ICA1L: variants seen among roughly 807,000 people sequenced by gnomAD.
ICA1L encodes the protein islet cell autoantigen 1 like.
In ICA1L, 50 loss-of-function variants were observed where a neutral mutation model predicts 61.3. The observed-to-expected ratio is 0.82, with a 90% CI of 0.65 to 1.03. The LOEUF (loss-of-function observed/expected upper bound fraction) is 1.03, where lower values mean the gene tolerates loss of function less well. Among genes scored for constraint, ICA1L ranks in the 50% least tolerant of loss-of-function variants. The pLI, the probability that ICA1L is intolerant of heterozygous loss-of-function variation, is 0.00. For synonymous variants in ICA1L, 161 were observed against 191.3 expected (o/e 0.84, Z 1.31); for missense variants, 508 against 556.7 (o/e 0.91, Z 0.88).
chr2:202,847,768 G>C (rs1252606917), intron 1 of ICA1L, among the ~76,000 whole-genome samples: 1 of 143,676 alleles, frequency 7.0e-6, no homozygotes, highest in African/African-American at 2.6e-5. Context: ...TAAACAAAAA[G>C]ATACAGGCAC....
At chr2:202,819,200 G>GT (rs1200633806) in intron 5 of ICA1L, among the ~76,000 whole-genome samples, 2 of 152,182 alleles carry the variant, frequency 1.3e-5, no homozygotes, top group African/African-American at 4.8e-5. Flanking sequence ...TTTATGTATA[G>GT]TATAATTAGG....
At chr2:202,854,669 G>T (rs150940790) in intron 1 of ICA1L, among the ~76,000 whole-genome samples, 3,007 of 152,252 alleles carry the variant, frequency 0.02, 39 homozygotes, top group Non-Finnish European at 0.029. Flanking sequence ...AAATGCAAAA[G>T]AACAGAAATC....
chr2:202,861,883 CAAAAAAAAAA>C (rs71030996), intron 1 of ICA1L, among the ~76,000 whole-genome samples: 8 of 40,912 alleles, frequency 2.0e-4, no homozygotes, highest in East Asian at 7.4e-4. Flanking sequence ...GATTCAGACT[CAAAAAAAAAA>C]AAAAAAAAAA....
At chr2:202,838,539 T>C (rs928722756) in intron 1 of ICA1L, among the ~76,000 whole-genome samples, 2 of 152,232 alleles carry the variant, frequency 1.3e-5, no homozygotes, top group Non-Finnish European at 2.9e-5. Flanking sequence ...TCTCCTATTA[T>C]TGCATTGCTA....
chr2:202,856,054 C>A (rs1211432595), intron 1 of ICA1L, among the ~76,000 whole-genome samples: 1 of 111,902 alleles, frequency 8.9e-6, no homozygotes, highest in Non-Finnish European at 1.7e-5. Flanking sequence ...GCCTGGGTGA[C>A]AAAGCGAGAC....
rs1692266454 is a variant in ICA1L, at chr2:202,777,674, T to G, written c.*1859A>C. 1 of 152,166 alleles carries G rather than the reference T, an allele frequency of 6.6e-6. No homozygotes were observed. The highest frequency in any genetic ancestry group is 2.4e-5 in the African/African-American group (1 of 41,434). 9.4% of individuals were successfully genotyped at this position (152,166 alleles called of 1,614,324 possible). On this transcript the variant is annotated 3_prime_UTR_variant, in exon 13 of 13. Coordinates refer to ENST00000358299, the MANE Select transcript of ICA1L (RefSeq NM_001288622.3). The stretch of plus-strand genomic sequence containing the variant: ...TTCCAGCCTATACTGTACTTGGCCA[T>G]TGTAGTAGTTTTCTGGAGAGCCTGT...
rs565577578 is a variant in ICA1L at position 202,849,667 on chromosome 2, C to A, written c.-7-20651G>T. Among the ~76,000 whole-genome samples, 1 of 152,338 alleles carries A rather than the reference C, an allele frequency of 6.6e-6. No individual in the cohort carries two copies. The highest frequency in any genetic ancestry group is 6.5e-5 in the Admixed American group (1 of 15,308). ...AGATAAAACTCCCATCTCCCTAGGA[C>A]AGAGCACCTGGGGGAAGGGGCAACT... On this transcript the variant is annotated intron_variant, in intron 1 of 12. Transcript: ENST00000358299. This position sits in a 1 kb window ranked among gnomAD's most constrained non-coding sequence, Gnocchi z 4.5.
At chr2:202,809,858 A>G (rs1343250099) in intron 9 of ICA1L, among the ~76,000 whole-genome samples, 2 of 152,172 alleles carry the variant, frequency 1.3e-5, no homozygotes, top group Non-Finnish European at 2.9e-5. Context: ...ATAGCCTCAG[A>G]AGGGCAAATA....
At chr2:202,864,457 T>C (rs935517640) in intron 1 of ICA1L, among the ~76,000 whole-genome samples, 1 of 151,842 alleles carries the variant, frequency 6.6e-6, no homozygotes, top group Non-Finnish European at 1.5e-5. Context: ...GTGGTCTCGA[T>C]CTCCTGACCT....
chr2:202,851,479 C>T (rs1349919296), intron 1 of ICA1L, among the ~76,000 whole-genome samples: 3 of 152,130 alleles, frequency 2.0e-5, no homozygotes, highest in Non-Finnish European at 4.4e-5. Context: ...CATACGTGTG[C>T]ATGTGTCTTT....
chr2:202,871,501 G>C (rs1245502357), intron 1 of ICA1L, 118 bp downstream of exon 1: 2 of 152,082 alleles, frequency 1.3e-5, no homozygotes, highest in Non-Finnish European at 2.9e-5. Context: ...GCGTGTGGCC[G>C]GAGCCTCCCG....
intron 11 of ICA1L, among the ~76,000 whole-genome samples, chr2:202,788,002 G>A (rs1471304214): frequency 6.6e-6 from 1 of 152,226 alleles, no homozygotes; most frequent in Non-Finnish European, 1.5e-5. Context: ...ACAGATAGAT[G>A]CATCAGAGGG....
chr2:202,786,811 A>G (rs893666029), intron 11 of ICA1L: 1 of 445,306 alleles, frequency 2.2e-6, no homozygotes, highest in Non-Finnish European at 4.5e-6. Context: ...ATAAGGAAGG[A>G]ATCAGGTAGA....
chr2:202,802,449 T>C (rs1693108695), intron 9 of ICA1L, among the ~76,000 whole-genome samples: 1 of 151,958 alleles, frequency 6.6e-6, no homozygotes, highest in South Asian at 2.1e-4. Flanking sequence ...AAAAAAATAA[T>C]GGTTGAGCAG....
intron 1 of ICA1L, chr2:202,829,336 C>A (rs1693946703): frequency 5.9e-6 from 1 of 169,592 alleles, no homozygotes; most frequent in Admixed American, 6.3e-5. Context: ...GGAGACAAAG[C>A]GAGACTCCGT....
At chr2:202,841,801 G>T in intron 1 of ICA1L, 1 of 364,364 alleles carries the variant, frequency 2.7e-6, no homozygotes, top group East Asian at 6.7e-5. Flanking sequence ...AGGAGTGGAG[G>T]CAGGTGGGCT....
At chr2:202,838,487 C>A (rs939370637) in intron 1 of ICA1L, among the ~76,000 whole-genome samples, 1 of 152,078 alleles carries the variant, frequency 6.6e-6, no homozygotes, top group African/African-American at 2.4e-5. Context: ...TACTGAATTT[C>A]TTTCTGGGTA....
chr2:202,805,370 AG>A (rs1693196305), intron 9 of ICA1L, among the ~76,000 whole-genome samples: 1 of 152,222 alleles, frequency 6.6e-6, no homozygotes, highest in Non-Finnish European at 1.5e-5. Context: ...ATCTTGATAA[AG>A]CTGTTTTAAA....
At chr2:202,858,571 G>A (rs1694826947) in intron 1 of ICA1L, among the ~76,000 whole-genome samples, 1 of 152,086 alleles carries the variant, frequency 6.6e-6, no homozygotes, top group South Asian at 2.1e-4. Flanking sequence ...AAACCACCGT[G>A]GCACATGTGT....
Sources: allele counts gnomAD v4.1 joint callset (sites outside exome capture counted in the v4.1 genomes callset), GRCh38; gene constraint gnomAD v4.1.1; non-coding constraint Gnocchi (gnomAD v3.1); transcripts MANE v1.5; gene names NCBI Gene and HGNC (gene_info 2026-07-23, HGNC 2026-07-21).